ABCB1: variants seen among roughly 807,000 people sequenced by gnomAD.
The protein encoded by ABCB1 is ATP-dependent translocase ABCB1.
Under a neutral mutation model 142.0 loss-of-function variants are expected in ABCB1, and 69 were observed. The observed-to-expected ratio is 0.49, with a 90% CI of 0.40 to 0.59. The LOEUF is 0.59. Among genes scored for constraint, ABCB1 ranks in the 20% least tolerant of loss-of-function variants. The pLI, the probability that ABCB1 is intolerant of heterozygous loss-of-function variation, is 0.00. For missense variants in ABCB1, 1,326 were observed against 1,554.7 expected (o/e 0.85, Z 2.47); for synonymous variants, 532 against 539.2 (o/e 0.99, Z 0.18).
At chr7:87,514,427 C>T (rs1815145058) in intron 25 of ABCB1, among the ~76,000 whole-genome samples, 1 of 152,168 alleles carries the variant, frequency 6.6e-6, no homozygotes. Context: ...CCAGACACTT[C>T]CCTCATCCCC....
rs201345739 is a variant in ABCB1 at position 87,628,853 on chromosome 7, C to T, written c.-330-27775G>A. On this transcript the variant is annotated intron_variant, in intron 1 of 28. Transcript: ENST00000265724. ...CCTCCCGGAGCCTGGGGGGCCTGAG[C>T]GGGATCCGCGGCGGTGGCGGCGGAG... is the stretch of plus-strand genomic sequence containing the variant. 326 of 1,272,248 alleles carry T rather than the reference C, an allele frequency of 2.6e-4. 2 individuals carry two copies. The African/African-American group carries it at 4.4e-3, about 17-fold the overall frequency. 78.8% of individuals were successfully genotyped at this position (1,272,248 alleles called of 1,614,324 possible).
intron 1 of ABCB1, among the ~76,000 whole-genome samples, chr7:87,666,271 G>T (rs1452734489): frequency 6.6e-6 from 1 of 152,014 alleles, no homozygotes; most frequent in Non-Finnish European, 1.5e-5. Context: ...TATGCTTGTG[G>T]GCCGTGTGTA....
At chr7:87,510,481 T>C (rs934224600) in intron 25 of ABCB1, among the ~76,000 whole-genome samples, 1 of 152,260 alleles carries the variant, frequency 6.6e-6, no homozygotes, top group African/African-American at 2.4e-5. Context: ...CCTACTCTGA[T>C]GCAAATATGT....
chr7:87,679,295 G>C (rs574072782), intron 1 of ABCB1, among the ~76,000 whole-genome samples: 1 of 149,430 alleles, frequency 6.7e-6, no homozygotes, highest in East Asian at 2.0e-4. Flanking sequence ...GAGTTTCACA[G>C]TGTTAGCCAG....
At position 87,566,661 on chromosome 7, in the gene ABCB1, G is replaced by A. The variant is rs950194564; in HGVS notation, c.530+124C>T. ...ACACGACATTGTTGCTGCTTAGAAG[G>A]AATTTTGTCTCATAAGTACCTTTGA... On this transcript the variant is annotated intron_variant, in intron 6 of 27. Transcript: ENST00000622132. The A allele has an allele frequency of 7.0e-6, 7 of 992,910 alleles. No homozygotes were observed. The South Asian group carries it at 9.7e-5, about 14-fold the overall frequency. The allele number at this position is 992,910 out of a possible 1,614,324, so 61.5% of individuals were successfully genotyped here.
intron 1 of ABCB1, among the ~76,000 whole-genome samples, chr7:87,653,974 T>G (rs973845759): frequency 6.6e-6 from 1 of 152,064 alleles, no homozygotes; most frequent in Non-Finnish European, 1.5e-5. Context: ...TTTAAAAAAT[T>G]GAACTATAGC....
In ABCB1 at chr7:87,549,459, C is replaced by A. The variant is rs758194199; in HGVS notation, c.1614G>T (p.Arg538Ser). 3 of 1,614,184 alleles carry A rather than the reference C, an allele frequency of 1.9e-6. No homozygotes were observed. The highest frequency in any genetic ancestry group is 2.5e-6 in the Non-Finnish European group (3 of 1,180,040). Residue 538 changes from arginine to serine, a missense_variant, in exon 14 of 28, where the codon AGG becomes AGT. Transcript: ENST00000622132. ...GAQLSGGQKQ[R>S]IAIARALVRN... ...GAACCAGGGCACGTGCAATGGCGAT[C>A]CTCTGCTTCTGCCCACCACTCAACT...
At position 87,519,379 on chromosome 7, in the gene ABCB1, C is replaced by A; in HGVS notation, c.2874G>T (p.Arg958=). 1 of 1,614,128 alleles carries A rather than the reference C, an allele frequency of 6.2e-7. No individual in the cohort carries two copies. The highest frequency in any genetic ancestry group is 8.5e-7 in the Non-Finnish European group (1 of 1,179,996). The change falls in exon 23 of 28, where the codon CGG becomes CGT. Residue 958 remains arginine, a synonymous_variant. Transcript: ENST00000622132. ...TATGTGCCACCAAGTAGGCTCCAAACCGGAAACATCCAGCATAGGAAAAAT... is the reference window on the plus strand; with the variant it reads ...TATGTGCCACCAAGTAGGCTCCAAAACGGAAACATCCAGCATAGGAAAAAT... The part of the protein sequence containing the change: ...MMYFSYAGCF[R]FGAYLVAHKL...
At chr7:87,648,458 A>T (rs1343701626) in intron 1 of ABCB1, among the ~76,000 whole-genome samples, 2 of 152,058 alleles carry the variant, frequency 1.3e-5, no homozygotes, top group Admixed American at 6.6e-5. Context: ...TCTCAGAGGT[A>T]TTTCACAGCA....
At chr7:87,650,043 A>G (rs1040159459) in intron 1 of ABCB1, among the ~76,000 whole-genome samples, 3 of 152,162 alleles carry the variant, frequency 2.0e-5, no homozygotes, top group African/African-American at 7.2e-5. Context: ...CAGTGTGAAA[A>G]CAGACTAATA....
intron 4 of ABCB1, 32 bp from the exon 5 acceptor site, chr7:87,570,255 T>C (rs373045842): frequency 4.4e-6 from 7 of 1,580,780 alleles, no homozygotes; most frequent in Non-Finnish European, 6.1e-6. Context: ...ATACCATTTA[T>C]GTCTCTTTAG....
At chr7:87,686,053 G>T (rs1208214361) in intron 1 of ABCB1, among the ~76,000 whole-genome samples, 1 of 152,122 alleles carries the variant, frequency 6.6e-6, no homozygotes, top group Non-Finnish European at 1.5e-5. Context: ...CTTTGGAAAT[G>T]AATCATAACC....
chr7:87,681,772 G>C (rs1272935630), intron 1 of ABCB1, among the ~76,000 whole-genome samples: 1 of 137,994 alleles, frequency 7.2e-6, no homozygotes. Context: ...CAGCACTTGG[G>C]AGCCAAGGCA....
intron 21 of ABCB1, chr7:87,521,478 TC>T: frequency 1.4e-6 from 1 of 739,028 alleles, no homozygotes. Context: ...AGTCAGAGTC[TC>T]CTAATGAGCC....
intron 7 of ABCB1, among the ~76,000 whole-genome samples, chr7:87,564,714 T>A (rs1057381055): frequency 1.3e-5 from 2 of 152,208 alleles, no homozygotes; most frequent in African/African-American, 4.8e-5. Context: ...AAAAGTGTAA[T>A]GCTGAGTGAG....
chr7:87,631,817 G>A (rs1256149244), intron 1 of ABCB1, among the ~76,000 whole-genome samples: 1 of 152,090 alleles, frequency 6.6e-6, no homozygotes, highest in African/African-American at 2.4e-5. Flanking sequence ...ACTTTTACAA[G>A]CCATGCAACC....
At chr7:87,546,702 G>T (rs967878698) in intron 14 of ABCB1, among the ~76,000 whole-genome samples, 5 of 152,116 alleles carry the variant, frequency 3.3e-5, no homozygotes, top group Non-Finnish European at 7.3e-5. Flanking sequence ...TCAGCCCTAG[G>T]AATTATAATA....
chr7:87,633,227 G>A (rs1252381646), intron 1 of ABCB1, among the ~76,000 whole-genome samples: 5 of 152,214 alleles, frequency 3.3e-5, no homozygotes, highest in East Asian at 1.9e-4. Flanking sequence ...ATTTTGGAGC[G>A]CAGGATTTGT....
intron 1 of ABCB1, among the ~76,000 whole-genome samples, chr7:87,624,393 T>A (rs1490977884): frequency 6.6e-6 from 1 of 152,228 alleles, no homozygotes; most frequent in Non-Finnish European, 1.5e-5. Context: ...GTGATCTCTC[T>A]GGTTTATAGC....
Sources: allele counts gnomAD v4.1 joint callset (sites outside exome capture counted in the v4.1 genomes callset), GRCh38; gene constraint gnomAD v4.1.1; transcripts MANE v1.5; gene names NCBI Gene and HGNC (gene_info 2026-07-23, HGNC 2026-07-21).